Variants in TRPM7 observed in about 807,000 individuals in gnomAD.
TRPM7 encodes transient receptor potential cation channel subfamily M member 7, also known as LTRPC ion channel family member 7.
In TRPM7, 134 loss-of-function variants were observed where a neutral mutation model predicts 229.7. The ratio of observed to expected loss-of-function variants is 0.58; its 90% CI spans 0.51 to 0.67. TRPM7 has a LOEUF of 0.67. TRPM7 is among the 30% of genes least tolerant of loss of function. The pLI, the probability that TRPM7 is intolerant of heterozygous loss-of-function variation, is 0.00. For missense variants in TRPM7, 1,901 were observed against 2,210.0 expected, an observed-to-expected ratio of 0.86 and a Z score of 2.80; for synonymous variants, 699 against 715.2, an observed-to-expected ratio of 0.98 and a Z score of 0.36.
At chr15:50,568,111 C>CAA (rs57093955) in intron 38 of TRPM7, among the ~76,000 whole-genome samples, 2,010 of 81,296 alleles carry the variant, frequency 0.025, 86 homozygotes, top group African/African-American at 0.097. Context: ...GACTCTGTCT[C>CAA]AAAAAAAAAA....
At chr15:50,574,232 C>T in intron 36 of TRPM7, 42 bp downstream of exon 36, 1 of 1,455,146 alleles carries the variant, frequency 6.9e-7, no homozygotes, top group South Asian at 1.1e-5. Flanking sequence ...AGGTGAGAAC[C>T]TACTGCAGAA....
intron 19 of TRPM7, among the ~76,000 whole-genome samples, chr15:50,608,637 A>G (rs931029808): frequency 4.6e-5 from 7 of 152,212 alleles, no homozygotes; most frequent in Non-Finnish European, 1.5e-5. Flanking sequence ...GAACAAGAAC[A>G]TTTTCATATA....
chr15:50,569,816 G>A (rs926926320), intron 38 of TRPM7, 71 bp downstream of exon 38: 1 of 905,840 alleles, frequency 1.1e-6, no homozygotes, highest in Non-Finnish European at 1.7e-6. Context: ...TGTACCTCTG[G>A]CCTTATGAGG....
chr15:50,684,129 G>T (rs1229615866), intron 1 of TRPM7, among the ~76,000 whole-genome samples: 1 of 151,110 alleles, frequency 6.6e-6, no homozygotes, highest in Non-Finnish European at 1.5e-5. Context: ...AAAGTATGGG[G>T]ATTACTGCGC....
intron 38 of TRPM7, among the ~76,000 whole-genome samples, chr15:50,564,757 ATAT>A (rs1451579907): frequency 6.6e-6 from 1 of 152,164 alleles, no homozygotes; most frequent in Non-Finnish European, 1.5e-5. Flanking sequence ...GAAACAGCCT[ATAT>A]TAAACAATCC....
At chr15:50,630,699 G>A (rs1338703696) in intron 10 of TRPM7, among the ~76,000 whole-genome samples, 1 of 152,104 alleles carries the variant, frequency 6.6e-6, no homozygotes, top group East Asian at 1.9e-4. Flanking sequence ...TTTGGAGACA[G>A]GGTCTTGCTG....
intron 19 of TRPM7, 56 bp from the exon 20 acceptor site, chr15:50,607,384 A>G: frequency 1.4e-6 from 2 of 1,386,626 alleles, no homozygotes; most frequent in Non-Finnish European, 9.7e-7. Context: ...AAATCTTTTA[A>G]TTATGAACAT....
Position 50,612,873 on chromosome 15 carries a change from A to T in TRPM7, c.1771-44T>A, listed in dbSNP as rs560572350. On this transcript the variant is annotated intron_variant, in intron 15 of 38. Coordinates refer to ENST00000646667, the MANE Select transcript of TRPM7 (RefSeq NM_017672.6). ...TTATAAAGCTCATTATAATAAGGCC[A>T]TATGAAATTTATGTCAGTGAAAATT... 7 of 1,532,096 alleles carry T rather than the reference A, an allele frequency of 4.6e-6. No homozygotes were observed. The African/African-American group carries it at 8.3e-5, about 18-fold the overall frequency. 94.9% of individuals were successfully genotyped at this position (1,532,096 alleles called of 1,614,324 possible).
At chr15:50,646,782 G>A (rs533248285) in intron 4 of TRPM7, among the ~76,000 whole-genome samples, 1 of 152,232 alleles carries the variant, frequency 6.6e-6, no homozygotes, top group South Asian at 2.1e-4. Flanking sequence ...GATTAATGAT[G>A]AACTGCATAC....
chr15:50,677,725 C>G (rs1405451041), intron 1 of TRPM7, among the ~76,000 whole-genome samples: 2 of 78,124 alleles, frequency 2.6e-5, no homozygotes, highest in East Asian at 8.7e-4. Context: ...GGCAACAGAA[C>G]AAGACCCCGT....
In TRPM7 at chr15:50,624,231, T is replaced by C. The variant is rs750189469; in HGVS notation, c.1375A>G (p.Ile459Val). 1 of 1,613,126 alleles carries C rather than the reference T, an allele frequency of 6.2e-7. No homozygotes were observed. Among genetic ancestry groups the C allele is most frequent in the Non-Finnish European group, 8.5e-7 (1 of 1,179,506 alleles). Reference sequence around the variant, plus strand: ...TTATGCATGCTTACTCCATTTTCAATAAGAAGTTTTACAAATGCAACTCTA... The same window carrying C: ...TTATGCATGCTTACTCCATTTTCAACAAGAAGTTTTACAAATGCAACTCTA... ...MDRVAFVKLL[I>V]ENGVSMHKFL... Residue 459 changes from isoleucine (I) to valine (V), a missense_variant, in exon 12 of 39, where the codon ATT (isoleucine) becomes GTT (valine). Physicochemically the swap from Ile to Val is conservative, Grantham distance 29. This residue lies in a region of TRPM7 where 794 missense variants were observed against 881.9 expected (regional missense o/e 0.90). Coordinates refer to ENST00000646667, the MANE Select transcript of TRPM7 (RefSeq NM_017672.6).
chr15:50,602,075 C>G (rs574644641), intron 21 of TRPM7, among the ~76,000 whole-genome samples: 1 of 151,764 alleles, frequency 6.6e-6, no homozygotes, highest in South Asian at 2.1e-4. Context: ...TATAAAGACA[C>G]ATGCACACGT....
At position 50,657,405 on chromosome 15, in the gene TRPM7, C is replaced by T. The variant is rs191114666; in HGVS notation, c.122+376G>A. Among the ~76,000 whole-genome samples the T allele has an allele frequency of 5.3e-5, 8 of 152,274 alleles. No homozygotes were observed. In the East Asian group the frequency reaches 1.5e-3, roughly 29 times the overall value. ...AACATGAAATCAAAAGCATGTGCAA[C>T]AAAAAGCCTTGTAGAGTAACTGAAA... On this transcript the variant is annotated intron_variant, in intron 3 of 38. Coordinates refer to ENST00000646667, the MANE Select transcript of TRPM7 (RefSeq NM_017672.6).
At chr15:50,673,079 T>TA (rs912888231) in intron 1 of TRPM7, among the ~76,000 whole-genome samples, 1 of 145,606 alleles carries the variant, frequency 6.9e-6, no homozygotes, top group East Asian at 1.9e-4. Flanking sequence ...TATTATTGAA[T>TA]AAAAAAATAC....
rs571094714 is a variant in TRPM7, at chr15:50,636,523, A to T, written c.832+899T>A. ...AACTTTTAGCAAAAGTTCTGACTCC[A>T]CCATAATCTGTAAACACTGTTCTGT... is the stretch of plus-strand genomic sequence containing the variant. On this transcript the variant is annotated intron_variant, in intron 7 of 38. Coordinates refer to ENST00000646667, the MANE Select transcript of TRPM7 (RefSeq NM_017672.6). Among the ~76,000 whole-genome samples, 5 of 152,268 alleles carry T rather than the reference A, an allele frequency of 3.3e-5. No homozygotes were observed. The South Asian group carries it at 1.0e-3, about 32-fold the overall frequency.
intron 21 of TRPM7, among the ~76,000 whole-genome samples, chr15:50,602,412 T>C (rs2059805531): frequency 6.6e-6 from 1 of 152,110 alleles, no homozygotes; most frequent in Non-Finnish European, 1.5e-5. Flanking sequence ...AGGGATAGCA[T>C]TAGGATAAAT....
At chr15:50,585,187 G>A (rs866558775) in intron 28 of TRPM7, among the ~76,000 whole-genome samples, 1 of 148,882 alleles carries the variant, frequency 6.7e-6, no homozygotes, top group African/African-American at 2.5e-5. Context: ...TCAGCCTCCC[G>A]AGTAGCTGGG....
chr15:50,583,287 C>A (rs924517633), intron 28 of TRPM7, 128 bp from the exon 29 acceptor site: 5 of 521,136 alleles, frequency 9.6e-6, no homozygotes, highest in Non-Finnish European at 1.7e-5. Flanking sequence ...CCTCAACACG[C>A]TGAACACAAG....
chr15:50,626,235 T>C (rs2060555704), intron 11 of TRPM7, among the ~76,000 whole-genome samples: 1 of 152,148 alleles, frequency 6.6e-6, no homozygotes, highest in African/African-American at 2.4e-5. Context: ...ATTTTTTCTG[T>C]CTTATTACAA....
Sources: allele counts gnomAD v4.1 joint callset (sites outside exome capture counted in the v4.1 genomes callset), GRCh38; gene constraint gnomAD v4.1.1; regional missense constraint gnomAD v4.1.1; transcripts MANE v1.5; gene names NCBI Gene and HGNC (gene_info 2026-07-23, HGNC 2026-07-21).